Variants in SPAG16 observed in about 807,000 individuals in gnomAD.
SPAG16 encodes sperm-associated antigen 16 protein.
SPAG16 carries 86 observed loss-of-function variants against 80.4 expected under a neutral mutation model. That is an observed-to-expected ratio of 1.07 (90% confidence interval 0.90 to 1.28). The LOEUF (loss-of-function observed/expected upper bound fraction) is 1.28, where lower values mean the gene tolerates loss of function less well. Among genes scored for constraint, SPAG16 ranks in the 50% most tolerant of loss-of-function variants. The pLI, the probability that SPAG16 is intolerant of heterozygous loss-of-function variation, is 0.00. For synonymous variants in SPAG16, 294 were observed against 265.9 expected (o/e 1.11, Z -1.03); for missense variants, 870 against 765.3 (o/e 1.14, Z -1.61).
chr2:214,147,729 A>T (rs1473344562), intron 14 of SPAG16, among the ~76,000 whole-genome samples: 2 of 152,222 alleles, frequency 1.3e-5, no homozygotes, highest in Non-Finnish European at 2.9e-5. Context: ...GTCATAAAAA[A>T]GATTAAGCAT....
chr2:213,540,027 T>C (rs2125912931), intron 10 of SPAG16, among the ~76,000 whole-genome samples: 1 of 142,386 alleles, frequency 7.0e-6, no homozygotes, highest in South Asian at 2.3e-4. Context: ...TTATATTTCT[T>C]AATTTTTTTT....
At chr2:213,546,520 T>C (rs1317652878) in intron 10 of SPAG16, among the ~76,000 whole-genome samples, 1 of 152,136 alleles carries the variant, frequency 6.6e-6, no homozygotes, top group East Asian at 1.9e-4. Context: ...ACAATTTAAC[T>C]CAACAAATAT....
intron 10 of SPAG16, among the ~76,000 whole-genome samples, chr2:213,717,444 GC>G (rs1233538571): frequency 1.3e-5 from 2 of 152,120 alleles, no homozygotes; most frequent in East Asian, 3.9e-4. Context: ...ACAGGTGTGA[GC>G]CACTGCGCCC....
intron 12 of SPAG16, among the ~76,000 whole-genome samples, chr2:213,994,679 A>G (rs1297293259): frequency 6.6e-6 from 1 of 151,050 alleles, no homozygotes; most frequent in African/African-American, 2.4e-5. Flanking sequence ...TTACATATTC[A>G]TGACTGCTTT....
chr2:213,410,070 C>T (rs2068873828), intron 9 of SPAG16, among the ~76,000 whole-genome samples: 1 of 152,060 alleles, frequency 6.6e-6, no homozygotes, highest in Admixed American at 6.5e-5. Flanking sequence ...ACCGAGACTG[C>T]TGTTCGTACA....
At chr2:214,189,899 T>C (rs1270417999) in intron 15 of SPAG16, among the ~76,000 whole-genome samples, 1 of 152,044 alleles carries the variant, frequency 6.6e-6, no homozygotes, top group African/African-American at 2.4e-5. Flanking sequence ...CTTTAACAAC[T>C]AGTAAATGCC....
chr2:213,606,994 A>G (rs1379256216), intron 10 of SPAG16, among the ~76,000 whole-genome samples: 11 of 152,246 alleles, frequency 7.2e-5, no homozygotes, highest in African/African-American at 2.7e-4. Flanking sequence ...GACACGTAAT[A>G]GAGTAGAAAT....
chr2:213,582,243 AT>A (rs773059324), intron 10 of SPAG16, among the ~76,000 whole-genome samples: 1 of 152,162 alleles, frequency 6.6e-6, no homozygotes, highest in African/African-American at 2.4e-5. Context: ...GTAATATGAC[AT>A]TTTTTTCCCT....
Position 214,068,066 on chromosome 2 carries a change from T to C in SPAG16, c.1528-40130T>C, listed in dbSNP as rs181109642. ...CAGAAAATGTCCTGTTGTATAAGGA[T>C]GGAACACAGAATTTATTTCCACAAC... On this transcript the variant is annotated intron_variant, in intron 13 of 15. Transcript: ENST00000331683. Among the ~76,000 whole-genome samples the C allele has an allele frequency of 6.1e-3, 933 of 152,252 alleles. 4 individuals are homozygous for C. Among genetic ancestry groups the C allele is most frequent in the South Asian group, 0.035 (169 of 4,824 alleles).
At chr2:214,195,855 G>A (rs2057821620) in intron 15 of SPAG16, among the ~76,000 whole-genome samples, 1 of 151,964 alleles carries the variant, frequency 6.6e-6, no homozygotes, top group African/African-American at 2.4e-5. Flanking sequence ...TGAATTTGAA[G>A]TCACCAACAT....
chr2:214,310,115 T>A (rs1332151960), intron 15 of SPAG16, among the ~76,000 whole-genome samples: 1 of 152,108 alleles, frequency 6.6e-6, no homozygotes, highest in Non-Finnish European at 1.5e-5. Flanking sequence ...ACTGCTGGAG[T>A]TACTGAGCTG....
chr2:213,932,119 T>A (rs1320358742), intron 12 of SPAG16, among the ~76,000 whole-genome samples: 1 of 146,422 alleles, frequency 6.8e-6, no homozygotes, highest in Non-Finnish European at 1.5e-5. Flanking sequence ...CTATGTATGC[T>A]GTGTCATATA....
At chr2:213,376,667 CT>C (rs1260792724) in intron 9 of SPAG16, among the ~76,000 whole-genome samples, 1 of 151,900 alleles carries the variant, frequency 6.6e-6, no homozygotes, top group East Asian at 1.9e-4. Flanking sequence ...ATTTAGAGCA[CT>C]TTACTGACTT....
chr2:213,545,929 G>A (rs73988541), intron 10 of SPAG16, among the ~76,000 whole-genome samples: 1,917 of 152,132 alleles, frequency 0.013, 39 homozygotes, highest in African/African-American at 0.042. Context: ...CTGGTTTCTG[G>A]TGACCCAAAG....
chr2:214,111,743 C>A (rs376841218), intron 14 of SPAG16, among the ~76,000 whole-genome samples: 74 of 105,632 alleles, frequency 7.0e-4, no homozygotes, highest in African/African-American at 2.2e-3. Context: ...TCACAATATT[C>A]TTCCTATCCG....
chr2:214,305,764 G>C (rs925103874), intron 15 of SPAG16, among the ~76,000 whole-genome samples: 10 of 152,098 alleles, frequency 6.6e-5, no homozygotes, highest in Non-Finnish European at 1.2e-4. Context: ...ATGCTGTTTT[G>C]GTTACCATAG....
At chr2:213,819,935 T>C (rs2072827999) in intron 10 of SPAG16, among the ~76,000 whole-genome samples, 1 of 132,414 alleles carries the variant, frequency 7.6e-6, no homozygotes, top group Non-Finnish European at 1.6e-5. Context: ...TTTTCTAATT[T>C]TTCGTGTTTT....
chr2:214,343,514 T>C (rs1261993427), intron 15 of SPAG16, among the ~76,000 whole-genome samples: 4 of 152,104 alleles, frequency 2.6e-5, no homozygotes, highest in Non-Finnish European at 5.9e-5. Flanking sequence ...GCAAAACACT[T>C]CAAATCCTGA....
At chr2:213,645,668 C>G (rs768761453) in intron 10 of SPAG16, among the ~76,000 whole-genome samples, 8 of 152,106 alleles carry the variant, frequency 5.3e-5, no homozygotes, top group Non-Finnish European at 1.0e-4. Context: ...TCTTCTCAAG[C>G]AAAATGGAGG....
Sources: allele counts gnomAD v4.1 joint callset (sites outside exome capture counted in the v4.1 genomes callset), GRCh38; gene constraint gnomAD v4.1.1; transcripts MANE v1.5; gene names NCBI Gene and HGNC (gene_info 2026-07-23, HGNC 2026-07-21).